FER: variants seen among roughly 807,000 people sequenced by gnomAD.
FER encodes FER tyrosine kinase, also known as tyrosine-protein kinase Fer.
Under a neutral mutation model 111.0 loss-of-function variants are expected in FER, and 63 were observed. The ratio of observed to expected loss-of-function variants is 0.57; its 90% confidence interval spans 0.46 to 0.70. FER has a LOEUF of 0.70. FER is among the 30% of genes least tolerant of loss of function. The pLI, the probability that FER is intolerant of heterozygous loss-of-function variation, is 0.00. For missense variants in FER, 914 were observed against 954.0 expected, an observed-to-expected ratio of 0.96 and a Z score of 0.55; for synonymous variants, 327 against 313.9, an observed-to-expected ratio of 1.04 and a Z score of -0.44.
intron 13 of FER, among the ~76,000 whole-genome samples, chr5:108,967,770 A>ACAAAAC (rs1760075368): frequency 6.6e-6 from 1 of 151,432 alleles, no homozygotes; most frequent in African/African-American, 2.4e-5. Context: ...AAAAAAAAAA[A>ACAAAAC]AAAAAAAAAA....
Position 109,187,415 on chromosome 5 carries a change from C to G in FER, c.2327-18C>G, listed in dbSNP as rs199562455. 2 of 1,608,480 alleles carry G rather than the reference C, an allele frequency of 1.2e-6. No homozygotes were observed. The highest frequency in any genetic ancestry group is 1.7e-6 in the Non-Finnish European group (2 of 1,177,616). On this transcript the variant is annotated intron_variant, in intron 19 of 19. Transcript: ENST00000281092. Reference sequence around the variant, plus strand: ...TACCTCCATTCTAAATTCTGTTCTCCTTCTCTTGGGTCTTCAGGATACCGG... The same window carrying G: ...TACCTCCATTCTAAATTCTGTTCTCGTTCTCTTGGGTCTTCAGGATACCGG...
chr5:109,056,077 A>G (rs1163637184), intron 16 of FER, among the ~76,000 whole-genome samples: 1 of 152,216 alleles, frequency 6.6e-6, no homozygotes, highest in Non-Finnish European at 1.5e-5. Flanking sequence ...GGAAAAGATA[A>G]CAAATATTGG....
intron 16 of FER, among the ~76,000 whole-genome samples, chr5:109,087,526 T>C (rs1777699042): frequency 6.6e-6 from 1 of 151,838 alleles, no homozygotes; most frequent in Admixed American, 6.6e-5. Flanking sequence ...TTTTATTAAT[T>C]TTTCTTCATT....
At position 109,119,948 on chromosome 5, in the gene FER, T is replaced by C. The variant is rs551182430; in HGVS notation, c.2048+19429T>C. On this transcript the variant is annotated intron_variant, in intron 17 of 19. Coordinates refer to ENST00000281092, the MANE Select transcript of FER (RefSeq NM_005246.4). ...TTGAGAAATGCCTATTTAGATCTTT[T>C]GCCTATTTTTAAAGTGGATCATTAG... Among the ~76,000 whole-genome samples, 4 of 152,198 alleles carry C rather than the reference T, an allele frequency of 2.6e-5. No individual in the cohort carries two copies. In the East Asian group the frequency reaches 5.8e-4, roughly 22 times the overall value.
intron 13 of FER, among the ~76,000 whole-genome samples, chr5:108,967,783 A>C (rs1212996810): frequency 2.0e-5 from 3 of 150,844 alleles, no homozygotes; most frequent in Non-Finnish European, 4.4e-5. Flanking sequence ...AAAAAAAAAA[A>C]CAATTAGGAA....
At chr5:108,843,381 TATC>T (rs1383063197) in intron 5 of FER, among the ~76,000 whole-genome samples, 8 of 152,222 alleles carry the variant, frequency 5.3e-5, no homozygotes, top group African/African-American at 1.2e-4. Context: ...ATCTATTCCT[TATC>T]ATTTTATATT....
intron 3 of FER, among the ~76,000 whole-genome samples, chr5:108,828,551 C>T (rs886538392): frequency 1.3e-5 from 2 of 151,760 alleles, no homozygotes; most frequent in South Asian, 2.1e-4. Flanking sequence ...ATTTATATTC[C>T]GTTTTGCAAA....
chr5:108,773,943 T>G (rs1269532710), intron 2 of FER, among the ~76,000 whole-genome samples: 1 of 152,080 alleles, frequency 6.6e-6, no homozygotes, highest in Non-Finnish European at 1.5e-5. Flanking sequence ...TTTATTTTAC[T>G]TTAAGTTCTG....
chr5:109,186,975 A>G (rs948466891), intron 19 of FER, among the ~76,000 whole-genome samples: 10 of 152,198 alleles, frequency 6.6e-5, no homozygotes, highest in African/African-American at 2.4e-4. Context: ...AACACTGCCA[A>G]CCAACAGACG....
At chr5:109,175,844 TG>T (rs1196062748) in intron 17 of FER, among the ~76,000 whole-genome samples, 1 of 152,190 alleles carries the variant, frequency 6.6e-6, no homozygotes, top group Non-Finnish European at 1.5e-5. Context: ...CCAGGTGCGG[TG>T]GCTCACACCT....
intron 5 of FER, among the ~76,000 whole-genome samples, chr5:108,857,267 A>G (rs1450547896): frequency 3.3e-5 from 5 of 152,130 alleles, no homozygotes; most frequent in African/African-American, 1.2e-4. Flanking sequence ...ATGGTTCACA[A>G]AACATTGACA....
At chr5:108,873,642 G>A (rs1764821079) in intron 8 of FER, among the ~76,000 whole-genome samples, 1 of 152,152 alleles carries the variant, frequency 6.6e-6, no homozygotes, top group Non-Finnish European at 1.5e-5. Context: ...CTGTTCCTAA[G>A]TTTTTCATGC....
chr5:109,119,810 C>T (rs1298359028), intron 17 of FER, among the ~76,000 whole-genome samples: 1 of 152,074 alleles, frequency 6.6e-6, no homozygotes, highest in African/African-American at 2.4e-5. Context: ...AGATAGAAAT[C>T]ATTTCAACTG....
intron 13 of FER, among the ~76,000 whole-genome samples, chr5:109,013,427 G>T (rs1330697298): frequency 1.3e-5 from 2 of 151,734 alleles, no homozygotes; most frequent in African/African-American, 4.8e-5. Flanking sequence ...TTTTATAGCT[G>T]CATAGTATTC....
chr5:108,844,766 T>A (rs1356338325), intron 5 of FER, among the ~76,000 whole-genome samples: 1 of 151,820 alleles, frequency 6.6e-6, no homozygotes, highest in African/African-American at 2.4e-5. Context: ...TAGTACACAC[T>A]CTATTTTGTC....
At chr5:108,923,312 A>G (rs1753279922) in intron 10 of FER, among the ~76,000 whole-genome samples, 1 of 152,078 alleles carries the variant, frequency 6.6e-6, no homozygotes, top group Admixed American at 6.5e-5. Context: ...AAAGAAAACT[A>G]GAGGAAATTA....
At chr5:109,161,462 A>G (rs1295367074) in intron 17 of FER, among the ~76,000 whole-genome samples, 1 of 151,850 alleles carries the variant, frequency 6.6e-6, no homozygotes, top group Non-Finnish European at 1.5e-5. Context: ...CCCTCTATGT[A>G]TCCATGTGTT....
intron 17 of FER, among the ~76,000 whole-genome samples, chr5:109,176,005 AT>A (rs1757646612): frequency 6.6e-6 from 1 of 152,112 alleles, no homozygotes; most frequent in Non-Finnish European, 1.5e-5. Context: ...AAACAAACAA[AT>A]AACAAATGCT....
chr5:108,889,377 G>A (rs1747672502), intron 9 of FER, among the ~76,000 whole-genome samples: 1 of 151,900 alleles, frequency 6.6e-6, no homozygotes, highest in African/African-American at 2.4e-5. Context: ...ATTAAAAAAA[G>A]AATGAGATCC....
Sources: gnomAD v4.1 joint callset for allele counts (sites outside exome capture counted in the v4.1 genomes callset) on GRCh38, gnomAD v4.1.1 for gene constraint, MANE v1.5 for transcripts, NCBI Gene and HGNC (gene_info 2026-07-23, HGNC 2026-07-21) for gene names.